The following KCNMA1 variants were observed in gnomAD, a reference collection of about 807,000 sequenced individuals.
The protein encoded by KCNMA1 is Calcium-activated potassium channel subunit alpha-1.
Under a neutral mutation model 140.0 loss-of-function variants are expected in KCNMA1, and 29 were observed. The ratio of observed to expected loss-of-function variants is 0.21; its 90% CI spans 0.15 to 0.28. KCNMA1 has a LOEUF of 0.28. Ranked by LOEUF, KCNMA1 falls within the 10% of genes least tolerant of loss-of-function variation. The pLI is 1.00. For missense variants in KCNMA1, 880 were observed against 1,602.2 expected (o/e 0.55, Z 7.70); for synonymous variants, 612 against 611.9 (o/e 1.00, Z 0.00).
At chr10:77,241,958 A>T (rs552741188) in intron 3 of KCNMA1, among the ~76,000 whole-genome samples, 2 of 152,344 alleles carry the variant, frequency 1.3e-5, no homozygotes, top group South Asian at 4.1e-4. Context: ...GTCCATGGAA[A>T]TCACAGCACG....
chr10:77,450,528 G>T (rs2097623899), intron 1 of KCNMA1, among the ~76,000 whole-genome samples: 2 of 152,032 alleles, frequency 1.3e-5, no homozygotes, highest in East Asian at 1.9e-4. Context: ...TACAGACATT[G>T]CTTTCTCTTT....
intron 19 of KCNMA1, among the ~76,000 whole-genome samples, chr10:77,000,353 C>G (rs1470106175): frequency 6.6e-6 from 1 of 152,276 alleles, no homozygotes; most frequent in Middle Eastern, 3.4e-3. Flanking sequence ...GCACTTGGAC[C>G]AAGACCCACA....
intron 14 of KCNMA1, among the ~76,000 whole-genome samples, chr10:77,064,492 T>C (rs541044155): frequency 8.3e-4 from 126 of 152,242 alleles, no homozygotes; most frequent in Non-Finnish European, 1.6e-3. Context: ...TTGCTAATAA[T>C]GTTTGCCTTG....
chr10:77,480,124 C>A (rs771408666), intron 1 of KCNMA1, among the ~76,000 whole-genome samples: 1 of 152,224 alleles, frequency 6.6e-6, no homozygotes, highest in East Asian at 1.9e-4. Context: ...AAATACGACG[C>A]CCATATATGT....
intron 2 of KCNMA1, 149 bp from the exon 3 acceptor site, chr10:77,251,405 T>C: frequency 2.8e-6 from 2 of 711,432 alleles, no homozygotes; most frequent in Non-Finnish European, 5.1e-6. Context: ...CAGCCCCCCA[T>C]TACTGCTTCA....
At chr10:77,495,920 C>T (rs2041758625) in intron 1 of KCNMA1, among the ~76,000 whole-genome samples, 1 of 152,188 alleles carries the variant, frequency 6.6e-6, no homozygotes, top group Non-Finnish European at 1.5e-5. Flanking sequence ...TGGAAAGCCA[C>T]CAGCCTCAGG....
chr10:77,084,802 CTTGGG>C, intron 11 of KCNMA1, 83 bp from the exon 12 acceptor site: 2 of 925,250 alleles, frequency 2.2e-6, no homozygotes, highest in Non-Finnish European at 3.5e-6. Context: ...TTGACAGCTT[CTTGGG>C]GAAGCTTTGC....
At chr10:76,964,954 C>T (rs1368550371) in intron 20 of KCNMA1, among the ~76,000 whole-genome samples, 1 of 152,208 alleles carries the variant, frequency 6.6e-6, no homozygotes, top group African/African-American at 2.4e-5. Flanking sequence ...TGTCAATTAT[C>T]CTTGCCAGCC....
intron 22 of KCNMA1, among the ~76,000 whole-genome samples, chr10:76,945,216 G>C (rs1205573625): frequency 6.6e-6 from 1 of 152,168 alleles, no homozygotes; most frequent in African/African-American, 2.4e-5. Context: ...TTTTAAGCTT[G>C]TTCTCAATAC....
At chr10:77,540,790 C>T (rs2059992408) in intron 1 of KCNMA1, among the ~76,000 whole-genome samples, 1 of 152,090 alleles carries the variant, frequency 6.6e-6, no homozygotes, top group African/African-American at 2.4e-5. Context: ...CCCCTGAGGT[C>T]AGGAGTTGGA....
At chr10:77,253,384 G>A (rs1320665209) in intron 2 of KCNMA1, among the ~76,000 whole-genome samples, 1 of 152,224 alleles carries the variant, frequency 6.6e-6, no homozygotes, top group African/African-American at 2.4e-5. Context: ...AGAAGCCCTT[G>A]CAAATGGCAT....
chr10:77,625,579 C>T (rs905443178), intron 1 of KCNMA1, among the ~76,000 whole-genome samples: 3 of 152,190 alleles, frequency 2.0e-5, no homozygotes, highest in African/African-American at 7.2e-5. Context: ...TTTGGCAACT[C>T]TATGTACCTC....
intron 14 of KCNMA1, 119 bp from the exon 15 acceptor site, chr10:77,039,756 T>C: frequency 4.2e-6 from 3 of 715,662 alleles, no homozygotes; most frequent in African/African-American, 3.5e-5. Flanking sequence ...GGTGACCTTT[T>C]CAGCAATCAG....
chr10:77,566,687 G>T (rs948791628), intron 1 of KCNMA1, among the ~76,000 whole-genome samples: 7 of 152,214 alleles, frequency 4.6e-5, no homozygotes, highest in African/African-American at 1.7e-4. Context: ...TGTCCAGGAT[G>T]ATTCCATCTG....
intron 2 of KCNMA1, among the ~76,000 whole-genome samples, chr10:77,345,635 A>C (rs1028456999): frequency 6.6e-6 from 1 of 152,198 alleles, no homozygotes; most frequent in Admixed American, 6.5e-5. Flanking sequence ...TTGGCTCTAA[A>C]AGTGGAGAGG....
intron 18 of KCNMA1, among the ~76,000 whole-genome samples, chr10:77,003,360 A>G (rs954684382): frequency 1.3e-5 from 2 of 152,230 alleles, no homozygotes; most frequent in African/African-American, 4.8e-5. Context: ...AATCAGAGGA[A>G]TTTAGAAGGC....
chr10:77,343,123 C>A (rs1209822564), intron 2 of KCNMA1, among the ~76,000 whole-genome samples: 5 of 152,026 alleles, frequency 3.3e-5, no homozygotes, highest in African/African-American at 1.2e-4. Context: ...TCCCAGGGGA[C>A]CCCAGGTGAG....
At chr10:76,878,553 T>G (rs959248157) in intron 29 of KCNMA1, among the ~76,000 whole-genome samples, 1 of 152,184 alleles carries the variant, frequency 6.6e-6, no homozygotes, top group African/African-American at 2.4e-5. Flanking sequence ...AGGTGGCTTT[T>G]ATTTCAAGAA....
intron 20 of KCNMA1, among the ~76,000 whole-genome samples, chr10:76,965,063 G>A (rs2073331395): frequency 6.6e-6 from 1 of 152,170 alleles, no homozygotes; most frequent in East Asian, 1.9e-4. Context: ...GGTTGGTAAG[G>A]CCCCCAAATT....
Sources: allele counts gnomAD v4.1 joint callset (sites outside exome capture counted in the v4.1 genomes callset), GRCh38; gene constraint gnomAD v4.1.1; transcripts MANE v1.5; gene names NCBI Gene and HGNC (gene_info 2026-07-23, HGNC 2026-07-21).